TEX52: variants seen among roughly 807,000 people sequenced by gnomAD.
TEX52 encodes the protein testis expressed 52.
A neutral mutation model predicts 17.6 loss-of-function variants in TEX52; 22 were observed. The ratio of observed to expected loss-of-function variants is 1.25; its 90% CI spans 0.89 to 1.78. TEX52 has a LOEUF of 1.78. Ranked by LOEUF, TEX52 falls within the 40% of genes most tolerant of loss-of-function variation. The pLI is 0.00. For synonymous variants in TEX52, 168 were observed against 147.4 expected, an observed-to-expected ratio of 1.14 and a Z score of -1.01; for missense variants, 396 against 372.3, an observed-to-expected ratio of 1.06 and a Z score of -0.52.
chr12:2,848,998 C>T (rs1365816406), downstream of TEX52: 2 of 536,142 alleles, frequency 3.7e-6, no homozygotes, highest in African/African-American at 3.8e-5. Flanking sequence ...CCGCAGTCCT[C>T]CCACCTTCGA....
At chr12:2,852,669 A>G (rs548907985) in intron 2 of TEX52, among the ~76,000 whole-genome samples, 1 of 152,120 alleles carries the variant, frequency 6.6e-6, no homozygotes, top group Non-Finnish European at 1.5e-5. Context: ...TCGGCTAGGC[A>G]AGATACTTGA....
At chr12:2,856,521 A>G (rs530145200) in intron 1 of TEX52, among the ~76,000 whole-genome samples, 1 of 152,188 alleles carries the variant, frequency 6.6e-6, no homozygotes, top group East Asian at 1.9e-4. Flanking sequence ...GCGTGCCACC[A>G]TGCCTGGCTA....
rs1424382061 is a variant in TEX52, at chr12:2,855,530, C to G, written c.73-84G>C. On this transcript the variant is annotated intron_variant, in intron 1 of 2. Transcript: ENST00000637658. ...GGGTGAGGCACTCCGCTCTCCTTCCCAGGCACGACCTCTGCCAGCCCAGGA... is the reference window on the plus strand; with the variant it reads ...GGGTGAGGCACTCCGCTCTCCTTCCGAGGCACGACCTCTGCCAGCCCAGGA... The G allele has an allele frequency of 6.6e-6, 7 of 1,063,976 alleles. No individual in the cohort carries two copies. The African/African-American group carries it at 8.0e-5, about 12-fold the overall frequency. The allele number at this position is 1,063,976 out of a possible 1,614,324, so 65.9% of individuals were successfully genotyped here.
intron 2 of TEX52, among the ~76,000 whole-genome samples, chr12:2,851,531 CAG>C (rs1407193113): frequency 6.6e-6 from 1 of 150,978 alleles, no homozygotes. Context: ...TTAGTGGAGA[CAG>C]GGTTTCGCCA....
At chr12:2,851,292 AC>A (rs1413555564) in intron 2 of TEX52, among the ~76,000 whole-genome samples, 2 of 152,140 alleles carry the variant, frequency 1.3e-5, no homozygotes, top group African/African-American at 4.8e-5. Flanking sequence ...CTAGGACATT[AC>A]TGTACACTAC....
intron 1 of TEX52, 40 bp from the exon 2 acceptor site, chr12:2,855,486 G>C: frequency 7.3e-7 from 1 of 1,377,860 alleles, no homozygotes; most frequent in Non-Finnish European, 9.4e-7. Context: ...AGGTTGTGCA[G>C]ACAGGGGTGC....
chr12:2,852,078 A>G (rs1305514720), intron 2 of TEX52, among the ~76,000 whole-genome samples: 3 of 152,126 alleles, frequency 2.0e-5, no homozygotes, highest in Admixed American at 1.3e-4. Context: ...TTATAATCTT[A>G]TGGGACCGCT....
intron 2 of TEX52, among the ~76,000 whole-genome samples, chr12:2,851,174 A>ATT (rs1194596874): frequency 6.6e-6 from 1 of 151,630 alleles, no homozygotes; most frequent in Non-Finnish European, 1.5e-5. Flanking sequence ...AAAAAAAAAA[A>ATT]TTAAAGATTT....
intron 2 of TEX52, among the ~76,000 whole-genome samples, chr12:2,852,477 C>T (rs2098074214): frequency 6.6e-6 from 1 of 152,144 alleles, no homozygotes; most frequent in South Asian, 2.1e-4. Flanking sequence ...GACAGTCCTC[C>T]CACTTCAGCC....
intron 2 of TEX52, among the ~76,000 whole-genome samples, chr12:2,851,862 A>G (rs1462250362): frequency 2.0e-5 from 3 of 149,512 alleles, no homozygotes; most frequent in African/African-American, 4.9e-5. Context: ...TATTTGTAGT[A>G]GAGAGAGGGT....
At chr12:2,853,209 C>T (rs61919364) in intron 2 of TEX52, among the ~76,000 whole-genome samples, 20,799 of 152,044 alleles carry the variant, frequency 0.14, 1,546 homozygotes, top group South Asian at 0.29. Context: ...GCAAGGGTAG[C>T]AGGGAAGCAG....
chr12:2,855,571 A>T (rs1334599327), intron 1 of TEX52, 125 bp from the exon 2 acceptor site: 1 of 689,680 alleles, frequency 1.4e-6, no homozygotes. Context: ...ATGAGGACGC[A>T]GAAGTCCTGG....
chr12:2,852,139 C>A (rs1454179586), intron 2 of TEX52, among the ~76,000 whole-genome samples: 1 of 152,104 alleles, frequency 6.6e-6, no homozygotes, highest in Non-Finnish European at 1.5e-5. Context: ...CACATGACTT[C>A]CTGTTATGTG....
rs1209133118 is a variant in TEX52, at chr12:2,854,973, C to T, written c.546G>A (p.Lys182=). The part of the protein sequence containing the change: ...RTVKELKEVE[K]LKLRSEARAP... ...CTCTTGCCTCACTCCTCAACTTGAG[C>T]TTCTCCACCTCCTTCAACTCCTTCA... Residue 182 remains lysine (K), a synonymous_variant, in exon 2 of 3, where the codon AAG becomes AAA. Coordinates refer to ENST00000637658, the MANE Select transcript of TEX52 (RefSeq NM_001365174.2). The T allele has an allele frequency of 1.3e-6, 2 of 1,536,114 alleles. No individual in the cohort carries two copies. The highest frequency in any genetic ancestry group is 2.4e-5 in the East Asian group (1 of 40,894).
At chr12:2,855,515 C>T in intron 1 of TEX52, 69 bp from the exon 2 acceptor site, 1 of 1,228,918 alleles carries the variant, frequency 8.1e-7, no homozygotes, top group East Asian at 2.7e-5. Flanking sequence ...GGGTGAGGCA[C>T]TCCGCTCTCC....
rs2098083072 is a variant in TEX52 at position 2,855,095 on chromosome 12, GA to G, written c.423del (p.Ser143ProfsTer9). ...RCPPTEHPIPPPSWMGQNSFL... is the reference protein window; with the variant it reads ...RCPPTEHPIPXPSWMGQNSFL... Reference sequence around the variant, plus strand: ...AAGCTGTTTTGCCCCATCCAGGAGGGAGGGGGGATGGGGTGCTCCGTGGGGG... The same window carrying G: ...AAGCTGTTTTGCCCCATCCAGGAGGGGGGGGGATGGGGTGCTCCGTGGGGG... On this transcript the variant is annotated frameshift_variant, in exon 2 of 3. Coordinates refer to ENST00000637658, the MANE Select transcript of TEX52 (RefSeq NM_001365174.2). LOFTEE classifies it high-confidence loss of function. The G allele has an allele frequency of 6.5e-7, 1 of 1,535,932 alleles. No individual in the cohort carries two copies. Among genetic ancestry groups the G allele is most frequent in the Non-Finnish European group, 8.7e-7 (1 of 1,146,774 alleles).
chr12:2,850,143 A>T (rs2098065386), intron 2 of TEX52, among the ~76,000 whole-genome samples: 1 of 152,118 alleles, frequency 6.6e-6, no homozygotes, highest in Non-Finnish European at 1.5e-5. Context: ...TCAGTTAGTT[A>T]GAATCTCCAG....
Position 2,856,553 on chromosome 12 carries a change from C to T in TEX52, c.72+402G>A, listed in dbSNP as rs192460404. Among the ~76,000 whole-genome samples, 103 of 152,194 alleles carry T rather than the reference C, an allele frequency of 6.8e-4. No individual in the cohort carries two copies. In the Middle Eastern group the frequency reaches 0.01, roughly 15 times the overall value. On this transcript the variant is annotated intron_variant, in intron 1 of 2. Transcript: ENST00000637658. Reference sequence around the variant, plus strand: ...GCTAATTTGGTATTTTTAGTAGAGACGGTTTCATCATGTTGGCCAAGCTGG... The same window carrying T: ...GCTAATTTGGTATTTTTAGTAGAGATGGTTTCATCATGTTGGCCAAGCTGG...
downstream of TEX52, among the ~76,000 whole-genome samples, chr12:2,848,438 G>A (rs2098059214): frequency 1.3e-5 from 2 of 152,210 alleles, no homozygotes; most frequent in African/African-American, 2.4e-5. Context: ...AGAAAAAGCT[G>A]AGGCCCAAGG....
Sources: gnomAD v4.1 joint callset for allele counts (sites outside exome capture counted in the v4.1 genomes callset) on GRCh38, gnomAD v4.1.1 for gene constraint, MANE v1.5 for transcripts, NCBI Gene and HGNC (gene_info 2026-07-23, HGNC 2026-07-21) for gene names.